The following INPP5A variants were observed in gnomAD, a reference collection of about 807,000 sequenced individuals.
INPP5A encodes inositol polyphosphate-5-phosphatase A.
INPP5A carries 14 observed loss-of-function variants against 65.2 expected under a neutral mutation model. That is an observed-to-expected ratio of 0.21 (90% CI 0.14 to 0.34). The LOEUF is 0.34. Among genes scored for constraint, INPP5A ranks in the 10% least tolerant of loss-of-function variants. The probability of loss-of-function intolerance (pLI) is 1.00; values close to 1 mark genes in which losing one functional copy is unlikely to be tolerated. For synonymous variants in INPP5A, 207 were observed against 208.3 expected (o/e 0.99, Z 0.05); for missense variants, 431 against 545.6 (o/e 0.79, Z 2.09).
intron 9 of INPP5A, among the ~76,000 whole-genome samples, chr10:132,744,531 G>C (rs1013618176): frequency 6.6e-6 from 1 of 152,134 alleles, no homozygotes; most frequent in African/African-American, 2.4e-5. Context: ...TTTCAATACC[G>C]GCTCCTTTAG....
At chr10:132,709,023 C>G (rs763527785) in intron 7 of INPP5A, among the ~76,000 whole-genome samples, 1 of 151,730 alleles carries the variant, frequency 6.6e-6, no homozygotes, top group African/African-American at 2.4e-5. Context: ...TGTAACAGAC[C>G]GCCCTAAACT....
chr10:132,670,272 C>G (rs2072869536), intron 4 of INPP5A, among the ~76,000 whole-genome samples: 1 of 114,758 alleles, frequency 8.7e-6, no homozygotes, highest in Non-Finnish European at 1.8e-5. Flanking sequence ...CCCCTGACCC[C>G]ACATCCTCTG....
intron 2 of INPP5A, among the ~76,000 whole-genome samples, chr10:132,632,538 C>T (rs2072289507): frequency 6.6e-6 from 1 of 152,198 alleles, no homozygotes; most frequent in South Asian, 2.1e-4. Flanking sequence ...AGAATTCCCG[C>T]CAGGAAGGGG....
intron 1 of INPP5A, among the ~76,000 whole-genome samples, chr10:132,600,915 C>T (rs2133330345): frequency 6.6e-6 from 1 of 152,332 alleles, no homozygotes; most frequent in South Asian, 2.1e-4. Context: ...CCCTGGGTCC[C>T]TCCCACAACA....
In INPP5A at chr10:132,601,041, T is replaced by G. The variant is rs145223788; in HGVS notation, c.76-6874T>G. ...TTCACTGTATAGTAATTCTGTTTAA[T>G]TTTTGGAGGAGCTGCCATTTTTCTT... On this transcript the variant is annotated intron_variant, in intron 1 of 15. Coordinates refer to ENST00000368594, the MANE Select transcript of INPP5A (RefSeq NM_005539.5). 3.6e-4 allele frequency among the ~76,000 whole-genome samples: 55 copies of G among 152,344 alleles called. 1 individual carries two copies. In the East Asian group the frequency reaches 0.01, roughly 28 times the overall value.
chr10:132,760,676 AC>A (rs1846716504), intron 11 of INPP5A, among the ~76,000 whole-genome samples: 2 of 152,142 alleles, frequency 1.3e-5, no homozygotes, highest in Non-Finnish European at 2.9e-5. Flanking sequence ...GTACGGGGTG[AC>A]TGTGGCGCAG....
chr10:132,723,814 G>A (rs1464607296), intron 8 of INPP5A, among the ~76,000 whole-genome samples: 4 of 152,128 alleles, frequency 2.6e-5, no homozygotes, highest in South Asian at 2.1e-4. Context: ...CCGGGCTGCC[G>A]CTCTCCTGGG....
Position 132,597,083 on chromosome 10 carries a change from GTGTA to G in INPP5A, c.76-10828_76-10825del, listed in dbSNP as rs2071711725. ...CAGGCTCCTGTACGTGTGTGCGTGT[GTGTA>G]TGTGTGCATGTGTTTGCATGTGTGT... On this transcript the variant is annotated intron_variant, in intron 1 of 15. Coordinates refer to ENST00000368594, the MANE Select transcript of INPP5A (RefSeq NM_005539.5). 2.6e-5 allele frequency among the ~76,000 whole-genome samples: 4 copies of G among 152,008 alleles called. No individual in the cohort carries two copies. The South Asian group carries it at 6.2e-4, about 24-fold the overall frequency.
chr10:132,647,761 A>C (rs1022146121), intron 3 of INPP5A, among the ~76,000 whole-genome samples: 6 of 152,206 alleles, frequency 3.9e-5, no homozygotes, highest in African/African-American at 1.4e-4. Flanking sequence ...CTGTTGGGAA[A>C]AATGAAATTG....
intron 4 of INPP5A, among the ~76,000 whole-genome samples, chr10:132,688,636 T>C (rs1845186444): frequency 6.7e-6 from 1 of 150,292 alleles, no homozygotes; most frequent in African/African-American, 2.5e-5. Flanking sequence ...AGTGCGTGCG[T>C]GTGCATGAGT....
intron 9 of INPP5A, among the ~76,000 whole-genome samples, chr10:132,745,240 G>A (rs968275711): frequency 2.6e-5 from 4 of 152,194 alleles, no homozygotes; most frequent in Admixed American, 1.3e-4. Context: ...TGGAGGCCAC[G>A]ATGCTCCTGG....
intron 9 of INPP5A, among the ~76,000 whole-genome samples, chr10:132,748,168 C>G (rs754179890): frequency 6.6e-6 from 1 of 152,268 alleles, no homozygotes; most frequent in Non-Finnish European, 1.5e-5. Context: ...CTCCAGCCCC[C>G]GCCCCAGTCA....
At chr10:132,588,012 C>CAAAAAAAAA (rs796469034) in intron 1 of INPP5A, among the ~76,000 whole-genome samples, 7 of 55,912 alleles carry the variant, frequency 1.3e-4, no homozygotes, top group Admixed American at 2.0e-4. Flanking sequence ...AACTCCATCT[C>CAAAAAAAAA]AAAAAAAAAA....
intron 4 of INPP5A, among the ~76,000 whole-genome samples, chr10:132,664,326 A>G (rs1217586721): frequency 6.6e-6 from 1 of 152,220 alleles, no homozygotes; most frequent in East Asian, 1.9e-4. Flanking sequence ...TATTTTCTCC[A>G]AAGCCCGTCC....
intron 9 of INPP5A, among the ~76,000 whole-genome samples, chr10:132,730,458 C>T (rs567206506): frequency 3.3e-5 from 5 of 152,370 alleles, no homozygotes; most frequent in South Asian, 2.1e-4. Flanking sequence ...CTGTCCCTCA[C>T]GCCCTGTCTG....
chr10:132,680,592 C>G (rs2073029321), intron 4 of INPP5A, among the ~76,000 whole-genome samples: 1 of 152,260 alleles, frequency 6.6e-6, no homozygotes, highest in African/African-American at 2.4e-5. Context: ...CACCGCTGCA[C>G]TGTGGGAGCC....
chr10:132,776,387 CAG>C (rs900389676), intron 12 of INPP5A, among the ~76,000 whole-genome samples: 144 of 151,218 alleles, frequency 9.5e-4, no homozygotes, highest in African/African-American at 3.4e-3. Context: ...TGGTTGGGCA[CAG>C]GGCCCACAGG....
chr10:132,751,620 G>A (rs949060312), intron 11 of INPP5A, among the ~76,000 whole-genome samples: 8 of 150,164 alleles, frequency 5.3e-5, no homozygotes, highest in Non-Finnish European at 1.0e-4. Flanking sequence ...GGAGGCAGGT[G>A]CCCAGGAGGT....
At chr10:132,657,198 C>T (rs1407815456) in intron 4 of INPP5A, among the ~76,000 whole-genome samples, 1 of 152,192 alleles carries the variant, frequency 6.6e-6, no homozygotes, top group Non-Finnish European at 1.5e-5. Flanking sequence ...GCCTGCTGGG[C>T]AGAGTGGCCA....
Sources: gnomAD v4.1 joint callset for allele counts (sites outside exome capture counted in the v4.1 genomes callset) on GRCh38, gnomAD v4.1.1 for gene constraint, MANE v1.5 for transcripts, NCBI Gene and HGNC (gene_info 2026-07-23, HGNC 2026-07-21) for gene names.